The following SCHIP1 variants were observed in gnomAD, a reference collection of about 807,000 sequenced individuals.
SCHIP1 encodes schwannomin-interacting protein 1.
Under a neutral mutation model 29.7 loss-of-function variants are expected in SCHIP1, and 8 were observed. The observed-to-expected ratio is 0.27, with a 90% CI of 0.16 to 0.49. The LOEUF is 0.49. Ranked by LOEUF, SCHIP1 falls within the 20% of genes least tolerant of loss-of-function variation. The probability of loss-of-function intolerance (pLI) is 0.99; values close to 1 mark genes in which losing one functional copy is unlikely to be tolerated. For missense variants in SCHIP1, 193 were observed against 294.6 expected, an observed-to-expected ratio of 0.66 and a Z score of 2.52; for synonymous variants, 76 against 94.9, an observed-to-expected ratio of 0.80 and a Z score of 1.16.
chr3:159,786,139 A>T, the SCHIP1 span, among the ~76,000 whole-genome samples: 1 of 152,358 alleles, frequency 6.6e-6, no homozygotes, highest in East Asian at 1.9e-4. Flanking sequence ...TAAACCCTGC[A>T]GGAAATACCT....
At chr3:159,636,064 T>G in the SCHIP1 span, among the ~76,000 whole-genome samples, 2 of 152,226 alleles carry the variant, frequency 1.3e-5, no homozygotes, top group African/African-American at 4.8e-5. Flanking sequence ...TTTTATTATT[T>G]TGGAGACAGA....
chr3:159,561,920 A>G, the SCHIP1 span, among the ~76,000 whole-genome samples: 2 of 152,206 alleles, frequency 1.3e-5, no homozygotes, highest in African/African-American at 4.8e-5. Flanking sequence ...CTTTCCCAGT[A>G]ATTGTTTCCT....
chr3:159,819,741 C>T, the SCHIP1 span, among the ~76,000 whole-genome samples: 1 of 152,196 alleles, frequency 6.6e-6, no homozygotes. Flanking sequence ...CTTGATTAAG[C>T]CCTGACTCTA....
At chr3:159,365,669 G>A in the SCHIP1 span, among the ~76,000 whole-genome samples, 1 of 152,206 alleles carries the variant, frequency 6.6e-6, no homozygotes, top group Non-Finnish European at 1.5e-5. Flanking sequence ...GGAATCCAGT[G>A]GTGCAGTTTG....
chr3:159,494,632 A>G, the SCHIP1 span, among the ~76,000 whole-genome samples: 1 of 152,200 alleles, frequency 6.6e-6, no homozygotes, highest in East Asian at 1.9e-4. Context: ...GACCAAAAAA[A>G]GTCCAGGACC....
chr3:159,866,365 A>G, intron 2 of SCHIP1, 84 bp downstream of exon 3: 1 of 1,352,690 alleles, frequency 7.4e-7, no homozygotes, highest in Non-Finnish European at 1.0e-6. Flanking sequence ...AAGCCTTTAA[A>G]TCTTCTGTAG....
At chr3:159,280,520 A>G in the SCHIP1 span, among the ~76,000 whole-genome samples, 24,487 of 152,176 alleles carry the variant, frequency 0.16, 2,298 homozygotes, top group Middle Eastern at 0.27. Context: ...TGTAAAATGA[A>G]TAAGTCGGCT....
At chr3:159,870,159 A>G (rs1338354386) in intron 2 of SCHIP1, among the ~76,000 whole-genome samples, 5 of 152,000 alleles carry the variant, frequency 3.3e-5, no homozygotes, top group Non-Finnish European at 7.4e-5. Context: ...TTAAAGAATG[A>G]TATCATCTAC....
the SCHIP1 span, among the ~76,000 whole-genome samples, chr3:159,828,386 TAC>T: frequency 2.6e-4 from 17 of 66,362 alleles, no homozygotes; most frequent in South Asian, 2.6e-3. Flanking sequence ...CATATATATA[TAC>T]ATATATACGT....
chr3:159,572,183 C>T, the SCHIP1 span, among the ~76,000 whole-genome samples: 2 of 151,722 alleles, frequency 1.3e-5, no homozygotes, highest in Admixed American at 1.3e-4. Flanking sequence ...AATGTGTTTG[C>T]TCTTCTCTAT....
the SCHIP1 span, among the ~76,000 whole-genome samples, chr3:159,816,243 G>A: frequency 4.5e-4 from 68 of 149,688 alleles, no homozygotes; most frequent in African/African-American, 1.6e-3. Context: ...GCCACTGTGC[G>A]GCCTGCCTCT....
chr3:159,393,142 C>T, the SCHIP1 span, among the ~76,000 whole-genome samples: 1 of 152,086 alleles, frequency 6.6e-6, no homozygotes, highest in African/African-American at 2.4e-5. Flanking sequence ...TGTCCTTTGC[C>T]CACTTTTTGA....
At position 159,883,642 on chromosome 3, in the gene SCHIP1, A is replaced by G. The variant is rs1237415244; in HGVS notation, c.150-2565A>G. Among the ~76,000 whole-genome samples the G allele has an allele frequency of 2.6e-5, 4 of 152,086 alleles. No individual in the cohort carries two copies. The East Asian group carries it at 7.7e-4, about 29-fold the overall frequency. ...CTCGTTTTAAGATGTCTTTACTAAAATCCCCTCTGAACCATTAGCTGTTAT... is the reference window on the plus strand; with the variant it reads ...CTCGTTTTAAGATGTCTTTACTAAAGTCCCCTCTGAACCATTAGCTGTTAT... On this transcript the variant is annotated intron_variant, in intron 2 of 6. Coordinates refer to ENST00000445224, the Ensembl canonical transcript of SCHIP1.
chr3:159,777,147 A>G, the SCHIP1 span, among the ~76,000 whole-genome samples: 1 of 152,252 alleles, frequency 6.6e-6, no homozygotes, highest in Non-Finnish European at 1.5e-5. Flanking sequence ...CATTTGTGAG[A>G]CTAACAAATA....
the SCHIP1 span, among the ~76,000 whole-genome samples, chr3:159,756,363 A>G: frequency 2.6e-5 from 4 of 152,218 alleles, no homozygotes; most frequent in African/African-American, 7.2e-5. Context: ...CTCTGAAGAC[A>G]CAGCCTGAGC....
At chr3:159,370,855 T>C in the SCHIP1 span, among the ~76,000 whole-genome samples, 2 of 152,050 alleles carry the variant, frequency 1.3e-5, no homozygotes, top group Admixed American at 1.3e-4. Flanking sequence ...AGACTGGGGG[T>C]TATACCATTG....
the SCHIP1 span, among the ~76,000 whole-genome samples, chr3:159,346,821 A>T: frequency 2.0e-5 from 3 of 152,242 alleles, no homozygotes; most frequent in East Asian, 5.8e-4. Context: ...TAATGTGTGC[A>T]CTCTCAAAAA....
the SCHIP1 span, among the ~76,000 whole-genome samples, chr3:159,828,368 T>TAC: frequency 5.2e-5 from 6 of 115,682 alleles, 1 homozygote; most frequent in East Asian, 1.5e-3. Context: ...CCTTTATATA[T>TAC]ATATATACAT....
At chr3:159,454,359 C>T in the SCHIP1 span, among the ~76,000 whole-genome samples, 1 of 152,124 alleles carries the variant, frequency 6.6e-6, no homozygotes, top group Non-Finnish European at 1.5e-5. Flanking sequence ...GGTGACAACC[C>T]ACCTCTCACC....
Sources: allele counts gnomAD v4.1 joint callset (sites outside exome capture counted in the v4.1 genomes callset), GRCh38; gene constraint gnomAD v4.1.1; transcripts MANE v1.5; gene names NCBI Gene and HGNC (gene_info 2026-07-23, HGNC 2026-07-21).